The following ANGEL1 variants were observed in gnomAD, a reference collection of about 807,000 sequenced individuals.
The protein encoded by ANGEL1 is angel homolog 1, also known as RNA 2',3'-cyclic phosphatase ANGEL1.
ANGEL1 carries 62 observed loss-of-function variants against 76.4 expected under a neutral mutation model. The ratio of observed to expected loss-of-function variants is 0.81; its 90% confidence interval spans 0.66 to 1.00. The LOEUF (loss-of-function observed/expected upper bound fraction) is 1.00. ANGEL1 is among the 50% of genes least tolerant of loss of function. ANGEL1 has a pLI of 0.00. For synonymous variants in ANGEL1, 340 were observed against 331.7 expected (o/e 1.03, Z -0.27); for missense variants, 737 against 836.7 (o/e 0.88, Z 1.47).
intron 9 of ANGEL1, among the ~76,000 whole-genome samples, chr14:76,790,093 C>T (rs2140206145): frequency 6.6e-6 from 1 of 152,242 alleles, no homozygotes; most frequent in Non-Finnish European, 1.5e-5. Context: ...CACTCCTAAC[C>T]TCAAGTGATC....
At chr14:76,807,869 A>T in intron 3 of ANGEL1, 53 bp downstream of exon 3, 1 of 1,580,816 alleles carries the variant, frequency 6.3e-7, no homozygotes, top group East Asian at 2.2e-5. Flanking sequence ...AGCACTGGGC[A>T]ACAGCCCAGG....
intron 7 of ANGEL1, among the ~76,000 whole-genome samples, chr14:76,795,149 G>A (rs975377492): frequency 1.3e-5 from 2 of 152,092 alleles, no homozygotes; most frequent in African/African-American, 4.8e-5. Context: ...TTTCAATGGT[G>A]TAGGAAATTA....
In ANGEL1 at chr14:76,790,687, T is replaced by C. The variant is rs1306848100; in HGVS notation, c.1776A>G (p.Thr592=). 1.9e-6 allele frequency: 3 copies of C among 1,614,044 alleles called. No homozygotes were observed. The highest frequency in any genetic ancestry group is 1.3e-5 in the African/African-American group (1 of 74,902). The change falls in exon 9 of 10, where the codon ACA becomes ACG. Residue 592 remains threonine, a synonymous_variant. Transcript: ENST00000251089. ...CTGTCATTCCAAGACCCAATGGCAT[T>C]GTAGTGACCTCTGGGCGGCCACGCT... ...LPQRGRPEVT[T]MPLGLGMTVD...
At chr14:76,803,688 G>T in intron 6 of ANGEL1, 98 bp downstream of exon 6, 5 of 1,501,794 alleles carry the variant, frequency 3.3e-6, no homozygotes, top group Non-Finnish European at 4.5e-6. Context: ...TCTGCTAAGA[G>T]AAATGAGGGA....
chr14:76,793,298 C>T (rs1224947499), intron 7 of ANGEL1, among the ~76,000 whole-genome samples: 2 of 144,030 alleles, frequency 1.4e-5, no homozygotes, highest in Non-Finnish European at 3.0e-5. Context: ...AGGCAACAGA[C>T]TGAGTCCTTG....
Position 76,790,267 on chromosome 14 carries a change from G to A in ANGEL1, c.1852+344C>T, listed in dbSNP as rs148538761. Among the ~76,000 whole-genome samples, 81 of 152,290 alleles carry A rather than the reference G, an allele frequency of 5.3e-4. 4 individuals are homozygous for A. In the East Asian group the frequency reaches 0.015, roughly 29 times the overall value. ...TATACTGTGCCCACTGGTATGGGGA[G>A]AGGAGACAGAAAATAAGGTCTCTTA... On this transcript the variant is annotated intron_variant, in intron 9 of 9. Coordinates refer to ENST00000251089, the MANE Select transcript of ANGEL1 (RefSeq NM_015305.4).
intron 5 of ANGEL1, 30 bp downstream of exon 5, chr14:76,806,386 C>A: frequency 6.3e-7 from 1 of 1,590,568 alleles, no homozygotes; most frequent in South Asian, 1.2e-5. Flanking sequence ...GACCATGTTC[C>A]CACCCACACC....
rs369533516 is a variant in ANGEL1, at chr14:76,789,251, C to T, written c.1990G>A (p.Gly664Arg). The change falls in exon 10 of 10, where the codon GGG (glycine) becomes AGG (arginine). Residue 664 changes from glycine (G) to arginine (R), a missense_variant. Gly to Arg is a moderately radical substitution (Grantham distance 125). Around this residue, in one of 2 missense-constraint regions of ANGEL1, gnomAD observed 296 missense variants for 387.2 expected, o/e 0.76. Coordinates refer to ENST00000251089, the MANE Select transcript of ANGEL1 (RefSeq NM_015305.4). ...TGTCATGGGGCGGTGACTTCCATCC[C>T]GAAGCTGGCTAGCAGGCAGAGGTGG... ...SDHLCLLASFGMEVTAP is the reference protein window; with the variant it reads ...SDHLCLLASFRMEVTAP 1.5e-5 allele frequency: 24 copies of T among 1,614,036 alleles called. No individual in the cohort carries two copies. Among genetic ancestry groups the T allele is most frequent in the Non-Finnish European group, 1.8e-5 (21 of 1,180,028 alleles).
At chr14:76,810,417 C>CA (rs1183103172) in intron 1 of ANGEL1, among the ~76,000 whole-genome samples, 163 of 114,672 alleles carry the variant, frequency 1.4e-3, no homozygotes, top group African/African-American at 4.0e-3. Flanking sequence ...GACCTCATCT[C>CA]AAAAAAAAAA....
rs1894262186 is a variant in ANGEL1, at chr14:76,786,354, A to T, written c.*2874T>A. 6.6e-6 allele frequency: 1 copy of T among 151,698 alleles called. No homozygotes were observed. Among genetic ancestry groups the T allele is most frequent in the South Asian group, 2.1e-4 (1 of 4,808 alleles). The allele number at this position is 151,698 out of a possible 1,614,324, so 9.4% of individuals were successfully genotyped here. A position where few individuals can be genotyped will look rare whatever the true frequency, so the allele number is the denominator to read the frequency against. ...ATTTTGTATTTTTAGTAGAGACGGGATTTCTTCATGTTGGTCAGGCTGGTC... is the reference window on the plus strand; with the variant it reads ...ATTTTGTATTTTTAGTAGAGACGGGTTTTCTTCATGTTGGTCAGGCTGGTC... On this transcript the variant is annotated 3_prime_UTR_variant, in exon 10 of 10. Coordinates refer to ENST00000251089, the MANE Select transcript of ANGEL1 (RefSeq NM_015305.4).
At chr14:76,800,689 T>G (rs1472457717) in intron 7 of ANGEL1, among the ~76,000 whole-genome samples, 1 of 152,180 alleles carries the variant, frequency 6.6e-6, no homozygotes, top group Non-Finnish European at 1.5e-5. Context: ...GTCCGAAGTC[T>G]TCTGAGTGCA....
In ANGEL1 at chr14:76,796,912, G is replaced by C. The variant is rs1033054361; in HGVS notation, c.1619-5546C>G. ...CTAGTATCTTTAAGTTACATCCTTT[G>C]TCATTACAATATGCCACACACACAC... On this transcript the variant is annotated intron_variant, in intron 7 of 9. Transcript: ENST00000251089. 1.2e-4 allele frequency among the ~76,000 whole-genome samples: 18 copies of C among 151,832 alleles called. 1 individual carries two copies. The highest frequency in any genetic ancestry group is 4.4e-4 in the African/African-American group (18 of 41,330).
rs71122579 is a variant in ANGEL1, at chr14:76,799,278, C to CTTTTTTTTTTT, written c.1618+4082_1618+4092dup. ...CTCGTTGTACTCCATTCATGGCCTC[C>CTTTTTTTTTTT]TTTTTTTTTTTTTTTTTTTTTTTTT... On this transcript the variant is annotated intron_variant, in intron 7 of 9. Transcript: ENST00000251089. Among the ~76,000 whole-genome samples the CTTTTTTTTTTT allele has an allele frequency of 5.0e-4, 26 of 52,378 alleles. 3 individuals are homozygous for CTTTTTTTTTTT. The highest frequency in any genetic ancestry group is 2.2e-3 in the East Asian group (3 of 1,366). The allele number at this position is 52,378 out of a possible 152,430, so 34.4% of individuals were successfully genotyped here. A position where few individuals can be genotyped will look rare whatever the true frequency, so the allele number is the denominator to read the frequency against.
intron 1 of ANGEL1, among the ~76,000 whole-genome samples, chr14:76,810,460 T>A (rs976806221): frequency 4.0e-5 from 6 of 151,776 alleles, no homozygotes; most frequent in East Asian, 1.9e-4. Flanking sequence ...ATTTTAAATT[T>A]AAAAAAATAG....
intron 5 of ANGEL1, among the ~76,000 whole-genome samples, chr14:76,805,012 A>AAAATAAATAAAT (rs59478597): frequency 3.6e-4 from 53 of 147,042 alleles, no homozygotes; most frequent in East Asian, 3.0e-3. Flanking sequence ...TCTGTCTCAA[A>AAAATAAATAAAT]AAATAAATAA....
intron 7 of ANGEL1, among the ~76,000 whole-genome samples, chr14:76,799,152 T>G (rs1164867814): frequency 2.6e-5 from 4 of 152,064 alleles, no homozygotes; most frequent in African/African-American, 9.7e-5. Context: ...TTGTCATGGT[T>G]TGAAATGCAC....
At chr14:76,805,142 C>T (rs1894880177) in intron 5 of ANGEL1, among the ~76,000 whole-genome samples, 1 of 152,154 alleles carries the variant, frequency 6.6e-6, no homozygotes, top group Admixed American at 6.5e-5. Flanking sequence ...AAACACTTTA[C>T]ACGCATTATT....
chr14:76,793,076 T>C (rs1894453557), intron 7 of ANGEL1, among the ~76,000 whole-genome samples: 1 of 151,830 alleles, frequency 6.6e-6, no homozygotes, highest in Admixed American at 6.6e-5. Flanking sequence ...CAAAAATACT[T>C]CTATACACTA....
At position 76,809,651 on chromosome 14, in the gene ANGEL1, G is replaced by A. The variant is rs746869690; in HGVS notation, c.65-8C>T. 3.7e-6 allele frequency: 6 copies of A among 1,607,656 alleles called. No homozygotes were observed. In the African/African-American group the frequency reaches 5.4e-5, roughly 14 times the overall value. ...GACATGTGAAGAAAGCATCTAGGAGGAAAGCCAAAATACCAGGTTATAAGA... is the reference window on the plus strand; with the variant it reads ...GACATGTGAAGAAAGCATCTAGGAGAAAAGCCAAAATACCAGGTTATAAGA... On this transcript the variant is annotated splice_polypyrimidine_tract_variant and splice_region_variant and intron_variant, in intron 1 of 9. Coordinates refer to ENST00000251089, the MANE Select transcript of ANGEL1 (RefSeq NM_015305.4).
Sources: gnomAD v4.1 joint callset for allele counts (sites outside exome capture counted in the v4.1 genomes callset) on GRCh38, gnomAD v4.1.1 for gene constraint, gnomAD v4.1.1 regional missense constraint, MANE v1.5 for transcripts, NCBI Gene and HGNC (gene_info 2026-07-23, HGNC 2026-07-21) for gene names.